Variants in SYNPR observed in about 807,000 individuals in gnomAD.
The protein encoded by SYNPR is synaptoporin.
A neutral mutation model predicts 32.9 loss-of-function variants in SYNPR; 23 were observed. That is an observed-to-expected ratio of 0.70 (90% CI 0.50 to 0.99). The LOEUF (loss-of-function observed/expected upper bound fraction) is 0.99. Among genes scored for constraint, SYNPR ranks in the 50% least tolerant of loss-of-function variants. SYNPR has a pLI of 0.00. For synonymous variants in SYNPR, 146 were observed against 135.9 expected (o/e 1.07, Z -0.52); for missense variants, 318 against 349.3 (o/e 0.91, Z 0.71).
chr3:63,209,496 A>T, the SYNPR span, among the ~76,000 whole-genome samples: 1 of 152,154 alleles, frequency 6.6e-6, no homozygotes, highest in South Asian at 2.1e-4. Flanking sequence ...TTAAACAACA[A>T]AGTACAGTCA....
At position 63,298,609 on chromosome 3, in the gene SYNPR, C is replaced by G. The variant is rs2086814355; in HGVS notation, c.84+19867C>G. Among the ~76,000 whole-genome samples, 4 of 152,256 alleles carry G rather than the reference C, an allele frequency of 2.6e-5. 1 individual carries two copies. The Middle Eastern group carries it at 0.01, about 388-fold the overall frequency. ...TAGGGACAAAAAGGTACACAGTAAGCTTTCCACTTCCATTCCTTATGGGTC... is the reference window on the plus strand; with the variant it reads ...TAGGGACAAAAAGGTACACAGTAAGGTTTCCACTTCCATTCCTTATGGGTC... On this transcript the variant is annotated intron_variant, in intron 2 of 5. Transcript: ENST00000478300.
chr3:63,584,759 A>G (rs1280405601), intron 4 of SYNPR, among the ~76,000 whole-genome samples: 2 of 152,220 alleles, frequency 1.3e-5, no homozygotes, highest in Middle Eastern at 3.4e-3. Flanking sequence ...TTAAATGCAA[A>G]TGAGACAGAA....
rs968592137 is a variant in SYNPR, at chr3:63,615,381, G to C, written c.758G>C (p.Gly253Ala). The change falls in exon 6 of 6, where the codon GGA (glycine) becomes GCA (alanine). Residue 253 changes from glycine to alanine, a missense_variant. Gly to Ala is a moderately conservative substitution (Grantham distance 60). Coordinates refer to ENST00000478300, the MANE Select transcript of SYNPR (RefSeq NM_001130003.2). ...GGTGGTTACAACCAAGACAGCTATG[G>C]ATCAAGCAGTGGGTACAGTCAGCAG... ...NQGGYNQDSY[G>A]SSSGYSQQAS... is the part of the protein sequence containing the mutation. The C allele has an allele frequency of 1.9e-6, 3 of 1,613,800 alleles. No homozygotes were observed. The African/African-American group carries it at 4.0e-5, about 22-fold the overall frequency.
intron 3 of SYNPR, among the ~76,000 whole-genome samples, chr3:63,493,465 A>T (rs6774410): frequency 6.6e-6 from 1 of 151,768 alleles, no homozygotes; most frequent in Non-Finnish European, 1.5e-5. Context: ...AGACTCTCTC[A>T]ATGATAGGTT....
At chr3:63,495,537 A>C (rs956282250) in intron 3 of SYNPR, among the ~76,000 whole-genome samples, 2 of 152,164 alleles carry the variant, frequency 1.3e-5, no homozygotes, top group African/African-American at 4.8e-5. Flanking sequence ...GAAATTAGCT[A>C]TGAATTATGC....
chr3:63,581,901 CT>C (rs1703099974), intron 4 of SYNPR, among the ~76,000 whole-genome samples: 1 of 152,052 alleles, frequency 6.6e-6, no homozygotes, highest in Middle Eastern at 3.2e-3. Flanking sequence ...TTCTTTTTAA[CT>C]TAAGCTAGAC....
chr3:63,562,816 G>T (rs1702714013), intron 4 of SYNPR, among the ~76,000 whole-genome samples: 1 of 152,152 alleles, frequency 6.6e-6, no homozygotes, highest in Non-Finnish European at 1.5e-5. Context: ...CAGGGTAGTG[G>T]CTAATTTATG....
chr3:63,524,654 A>AG (rs1701973077), intron 3 of SYNPR, among the ~76,000 whole-genome samples: 1 of 152,140 alleles, frequency 6.6e-6, no homozygotes, highest in African/African-American at 2.4e-5. Flanking sequence ...TCAAACACTG[A>AG]GGGGTGTCAT....
intron 2 of SYNPR, among the ~76,000 whole-genome samples, chr3:63,371,276 G>A (rs1396231622): frequency 6.6e-6 from 1 of 151,966 alleles, no homozygotes; most frequent in Non-Finnish European, 1.5e-5. Context: ...GAGCTCTGTG[G>A]AGTCTGGTAA....
At chr3:63,595,717 TTATATATA>T (rs1169780634) in intron 4 of SYNPR, among the ~76,000 whole-genome samples, 581 of 17,676 alleles carry the variant, frequency 0.033, 17 homozygotes, top group Non-Finnish European at 0.048. Context: ...GAATCTTATT[TTATATATA>T]TATATATATA....
chr3:63,566,891 A>G (rs1352873410), intron 4 of SYNPR, among the ~76,000 whole-genome samples: 1 of 152,124 alleles, frequency 6.6e-6, no homozygotes, highest in African/African-American at 2.4e-5. Flanking sequence ...ATGATTATCT[A>G]CCATCATATC....
Position 63,480,970 on chromosome 3 carries a change from G to A in SYNPR, c.209+14G>A, listed in dbSNP as rs79413899. The A allele has an allele frequency of 1.8e-3, 2,911 of 1,606,294 alleles. 44 individuals are homozygous for A. In the African/African-American group the frequency reaches 0.032, roughly 18 times the overall value. Reference sequence around the variant, plus strand: ...CTACCCATTCAGGTAGGGAATGGTGGTTCATGCTTGTTAGCCTCACAGGGG... The same window carrying A: ...CTACCCATTCAGGTAGGGAATGGTGATTCATGCTTGTTAGCCTCACAGGGG... On this transcript the variant is annotated intron_variant, in intron 3 of 5. Coordinates refer to ENST00000478300, the MANE Select transcript of SYNPR (RefSeq NM_001130003.2).
At chr3:63,518,212 G>A (rs538277461) in intron 3 of SYNPR, among the ~76,000 whole-genome samples, 4 of 152,256 alleles carry the variant, frequency 2.6e-5, no homozygotes, top group Non-Finnish European at 5.9e-5. Flanking sequence ...GAGGCAGAGG[G>A]GGAGGGGGGC....
At chr3:63,448,949 A>G (rs1409081845) in intron 2 of SYNPR, among the ~76,000 whole-genome samples, 3 of 152,150 alleles carry the variant, frequency 2.0e-5, no homozygotes, top group African/African-American at 4.8e-5. Context: ...GAATCCACTT[A>G]TTTACTGATG....
chr3:63,232,259 T>A (rs1419925020), intron 1 of SYNPR, among the ~76,000 whole-genome samples: 1 of 132,812 alleles, frequency 7.5e-6, no homozygotes, highest in African/African-American at 2.8e-5. Context: ...TGGAGTGCAA[T>A]GGCGTGATCT....
intron 2 of SYNPR, among the ~76,000 whole-genome samples, chr3:63,392,996 C>A (rs904386852): frequency 6.6e-6 from 1 of 152,170 alleles, no homozygotes; most frequent in Admixed American, 6.5e-5. Flanking sequence ...TACCTATGGC[C>A]GTGGAAAACT....
chr3:63,407,375 G>T (rs1169509564), intron 2 of SYNPR, among the ~76,000 whole-genome samples: 1 of 152,172 alleles, frequency 6.6e-6, no homozygotes, highest in East Asian at 1.9e-4. Context: ...TATACTAAGG[G>T]AGCAATGTAA....
chr3:63,254,992 T>C (rs1358135276), intron 2 of SYNPR, among the ~76,000 whole-genome samples: 1 of 152,166 alleles, frequency 6.6e-6, no homozygotes, highest in Non-Finnish European at 1.5e-5. Flanking sequence ...TTTAGACACC[T>C]TGATCTTGGA....
At position 63,250,558 on chromosome 3, in the gene SYNPR, G is replaced by A. The variant is rs1273858696; in HGVS notation, n.67-1941G>A. On this transcript the variant is annotated intron_variant and non_coding_transcript_variant, in intron 1 of 4. Coordinates refer to the SYNPR transcript ENST00000478456. ...AATGATGTCTGAGAACAAGTCTAAG[G>A]TGACATGGTCAACATGTGGTTAGTA... 3.3e-5 allele frequency among the ~76,000 whole-genome samples: 5 copies of A among 152,114 alleles called. No homozygotes were observed. The East Asian group carries it at 7.7e-4, about 24-fold the overall frequency.
Sources: gnomAD v4.1 joint callset for allele counts (sites outside exome capture counted in the v4.1 genomes callset) on GRCh38, gnomAD v4.1.1 for gene constraint, MANE v1.5 for transcripts, NCBI Gene and HGNC (gene_info 2026-07-23, HGNC 2026-07-21) for gene names.